AP3B1: variants seen among roughly 807,000 people sequenced by gnomAD.
AP3B1 encodes the protein AP-3 complex subunit beta-1.
AP3B1 carries 61 observed loss-of-function variants against 132.5 expected under a neutral mutation model. The ratio of observed to expected loss-of-function variants is 0.46; its 90% confidence interval spans 0.37 to 0.57. AP3B1 has a LOEUF of 0.57. Among genes scored for constraint, AP3B1 ranks in the 20% least tolerant of loss-of-function variants. The pLI is 0.00. For missense variants in AP3B1, 1,120 were observed against 1,289.4 expected (o/e 0.87, Z 2.01); for synonymous variants, 388 against 438.3 (o/e 0.89, Z 1.43).
intron 11 of AP3B1, among the ~76,000 whole-genome samples, chr5:78,174,188 A>G (rs576289084): frequency 6.6e-6 from 1 of 152,060 alleles, no homozygotes; most frequent in Admixed American, 6.5e-5. Flanking sequence ...ACTTCCGTCA[A>G]CTCATCAAAG....
intron 22 of AP3B1, among the ~76,000 whole-genome samples, chr5:78,085,592 T>C (rs776001576): frequency 1.1e-4 from 17 of 152,292 alleles, no homozygotes; most frequent in Middle Eastern, 3.4e-3. Context: ...TGTTATACCA[T>C]AAATTAATTT....
intron 2 of AP3B1, among the ~76,000 whole-genome samples, chr5:78,247,233 C>T (rs906367293): frequency 3.3e-5 from 5 of 149,414 alleles, no homozygotes; most frequent in Non-Finnish European, 7.4e-5. Flanking sequence ...TGTTTTATGG[C>T]CCAGAATGTA....
At chr5:78,086,674 T>C (rs1750269866) in intron 22 of AP3B1, among the ~76,000 whole-genome samples, 1 of 152,156 alleles carries the variant, frequency 6.6e-6, no homozygotes. Flanking sequence ...TAGTAATGAA[T>C]AGGGCAGATC....
intron 7 of AP3B1, among the ~76,000 whole-genome samples, chr5:78,214,435 T>G (rs1745874731): frequency 6.6e-6 from 1 of 152,188 alleles, no homozygotes; most frequent in Non-Finnish European, 1.5e-5. Context: ...GGGTTACATA[T>G]TTTTAGCAGG....
intron 20 of AP3B1, among the ~76,000 whole-genome samples, chr5:78,106,821 T>A (rs1279003158): frequency 6.6e-6 from 1 of 152,168 alleles, no homozygotes; most frequent in Non-Finnish European, 1.5e-5. Context: ...TCTGGGAGAA[T>A]GAAAAGAATG....
intron 1 of AP3B1, among the ~76,000 whole-genome samples, chr5:78,273,085 T>C (rs1202336760): frequency 1.8e-5 from 2 of 113,094 alleles, no homozygotes; most frequent in African/African-American, 5.4e-5. Flanking sequence ...CCATGATCCT[T>C]GAAAGAAGAG....
At chr5:78,101,064 T>C in intron 20 of AP3B1, 39 bp from the exon 21 acceptor site, 3 of 1,300,790 alleles carry the variant, frequency 2.3e-6, no homozygotes, top group Non-Finnish European at 3.3e-6. Context: ...ACACGTTCTG[T>C]TTTAAAAATC....
At chr5:78,259,902 A>G (rs1748011551) in intron 2 of AP3B1, among the ~76,000 whole-genome samples, 1 of 152,082 alleles carries the variant, frequency 6.6e-6, no homozygotes, top group Admixed American at 6.6e-5. Flanking sequence ...CCCGGGAGGC[A>G]GAGGTTGCAG....
At chr5:78,015,928 G>T in intron 25 of AP3B1, 1 of 216,172 alleles carries the variant, frequency 4.6e-6, no homozygotes. Flanking sequence ...TGTTACTATT[G>T]CTATTTTTTT....
intron 2 of AP3B1, among the ~76,000 whole-genome samples, chr5:78,248,923 T>C (rs1240234957): frequency 1.3e-5 from 2 of 152,228 alleles, no homozygotes; most frequent in Non-Finnish European, 2.9e-5. Context: ...TTCAAATTAT[T>C]GTTCCCCTCT....
chr5:78,181,369 T>C, intron 8 of AP3B1, 138 bp downstream of exon 8: 2 of 780,426 alleles, frequency 2.6e-6, no homozygotes, highest in Non-Finnish European at 4.2e-6. Context: ...TACTTCCAAC[T>C]ATCCATTACA....
intron 7 of AP3B1, among the ~76,000 whole-genome samples, chr5:78,212,886 T>TTATG (rs1173780512): frequency 9.9e-5 from 15 of 151,952 alleles, no homozygotes; most frequent in Non-Finnish European, 2.2e-4. Context: ...TCTTTTATTT[T>TTATG]TATTTATTTA....
intron 20 of AP3B1, among the ~76,000 whole-genome samples, chr5:78,106,244 G>C (rs1751329113): frequency 6.6e-6 from 1 of 152,080 alleles, no homozygotes; most frequent in Non-Finnish European, 1.5e-5. Context: ...GATCGCTTGA[G>C]CCCAGGAGGT....
chr5:78,031,948 T>C (rs1747596732), intron 24 of AP3B1, among the ~76,000 whole-genome samples: 2 of 152,212 alleles, frequency 1.3e-5, no homozygotes. Flanking sequence ...GGTTAATGCA[T>C]GCATGCCTGT....
At chr5:78,259,813 C>T (rs1315969377) in intron 2 of AP3B1, among the ~76,000 whole-genome samples, 1 of 151,802 alleles carries the variant, frequency 6.6e-6, no homozygotes, top group East Asian at 1.9e-4. Flanking sequence ...ACTAAAAATA[C>T]AAATAAATTG....
intron 22 of AP3B1, among the ~76,000 whole-genome samples, chr5:78,044,977 A>G (rs1045480772): frequency 1.3e-5 from 2 of 152,246 alleles, no homozygotes; most frequent in Non-Finnish European, 2.9e-5. Context: ...CAACCTCCAA[A>G]GGTTATCTGT....
chr5:78,059,203 T>A (rs957014310), intron 22 of AP3B1, among the ~76,000 whole-genome samples: 1 of 152,160 alleles, frequency 6.6e-6, no homozygotes, highest in African/African-American at 2.4e-5. Flanking sequence ...CAATTGGCCA[T>A]TGCTGGCTTT....
At chr5:78,134,149 CAAA>C (rs397961933) in intron 15 of AP3B1, among the ~76,000 whole-genome samples, 5 of 74,224 alleles carry the variant, frequency 6.7e-5, no homozygotes, top group African/African-American at 5.5e-5. Context: ...AGACTCGCCT[CAAA>C]AAAAAAAAAA....
intron 7 of AP3B1, among the ~76,000 whole-genome samples, chr5:78,193,732 G>GTGTATATA (rs1340871803): frequency 3.3e-4 from 29 of 89,180 alleles, no homozygotes; most frequent in African/African-American, 7.7e-4. Context: ...TTAAATATTT[G>GTGTATATA]TATATATTTT....
Sources: gnomAD v4.1 joint callset for allele counts (sites outside exome capture counted in the v4.1 genomes callset) on GRCh38, gnomAD v4.1.1 for gene constraint, MANE v1.5 for transcripts, NCBI Gene and HGNC (gene_info 2026-07-23, HGNC 2026-07-21) for gene names.